The following PCDH15 variants were observed in gnomAD, a reference collection of about 807,000 sequenced individuals.
PCDH15 encodes protocadherin-15.
Under a neutral mutation model 178.5 loss-of-function variants are expected in PCDH15, and 129 were observed. The ratio of observed to expected loss-of-function variants is 0.72; its 90% confidence interval spans 0.63 to 0.84. The LOEUF (loss-of-function observed/expected upper bound fraction) is 0.84. Ranked by LOEUF, PCDH15 falls within the 40% of genes least tolerant of loss-of-function variation. The pLI, the probability that PCDH15 is intolerant of heterozygous loss-of-function variation, is 0.00. For missense variants in PCDH15, 2,230 were observed against 2,099.9 expected, an observed-to-expected ratio of 1.06 and a Z score of -1.21; for synonymous variants, 800 against 732.0, an observed-to-expected ratio of 1.09 and a Z score of -1.50.
intron 1 of PCDH15, among the ~76,000 whole-genome samples, chr10:55,305,254 T>C (rs1323422119): frequency 6.6e-6 from 1 of 152,188 alleles, no homozygotes; most frequent in Non-Finnish European, 1.5e-5. Flanking sequence ...GACCCACCAG[T>C]TGAATTGGAT....
intron 1 of PCDH15, among the ~76,000 whole-genome samples, chr10:54,783,518 AAT>A (rs1950566014): frequency 6.6e-6 from 1 of 152,110 alleles, no homozygotes; most frequent in South Asian, 2.1e-4. Context: ...TCAGCAAATA[AAT>A]ATTTGCATTA....
chr10:55,041,357 T>C (rs1248035873), intron 2 of PCDH15, among the ~76,000 whole-genome samples: 1 of 152,146 alleles, frequency 6.6e-6, no homozygotes, highest in African/African-American at 2.4e-5. Context: ...AATTTCCATC[T>C]AGTTTTGGAG....
At chr10:54,802,734 G>C (rs188914865), upstream of PCDH15, among the ~76,000 whole-genome samples, 1 of 152,290 alleles carries the variant, frequency 6.6e-6, no homozygotes, top group East Asian at 1.9e-4. Context: ...GAATAGAGCA[G>C]CTGGTATTTT....
chr10:54,372,156 G>A (rs192061816), intron 4 of PCDH15, among the ~76,000 whole-genome samples: 306 of 151,998 alleles, frequency 2.0e-3, no homozygotes, highest in Non-Finnish European at 2.8e-3. Flanking sequence ...AGACAATGAG[G>A]TGAATTATGC....
chr10:55,621,675 C>A (rs1837392738), intron 2 of PCDH15, among the ~76,000 whole-genome samples: 1 of 152,040 alleles, frequency 6.6e-6, no homozygotes, highest in Non-Finnish European at 1.5e-5. Context: ...TTTCACATAA[C>A]CCCCATCCCC....
At chr10:53,958,577 C>T (rs1009807708) in intron 23 of PCDH15, among the ~76,000 whole-genome samples, 1 of 152,054 alleles carries the variant, frequency 6.6e-6, no homozygotes, top group African/African-American at 2.4e-5. Flanking sequence ...CAGATAAGGA[C>T]ATGGCAAAAA....
chr10:55,089,092 C>A (rs1733742), intron 2 of PCDH15, among the ~76,000 whole-genome samples: 69,189 of 151,946 alleles, frequency 0.46, 19,658 homozygotes, highest in African/African-American at 0.8. Context: ...GCTTTGAATA[C>A]GATTATGTGA....
chr10:55,347,099 C>T (rs7082912), intron 2 of PCDH15, among the ~76,000 whole-genome samples: 82,356 of 151,724 alleles, frequency 0.54, 22,824 homozygotes, highest in African/African-American at 0.63. Context: ...CCTGTAGTCC[C>T]AGCTACTTGG....
At chr10:54,143,394 T>G (rs2133204092) in intron 14 of PCDH15, among the ~76,000 whole-genome samples, 1 of 152,282 alleles carries the variant, frequency 6.6e-6, no homozygotes, top group South Asian at 2.1e-4. Flanking sequence ...ACAATTATTG[T>G]TTTGCTTTGA....
intron 1 of PCDH15, among the ~76,000 whole-genome samples, chr10:55,298,876 C>A (rs148970545): frequency 6.6e-6 from 1 of 152,054 alleles, no homozygotes; most frequent in Non-Finnish European, 1.5e-5. Context: ...CCGTGCCCGG[C>A]GATAGTGTCG....
chr10:54,059,624 C>A (rs78962955), intron 18 of PCDH15, among the ~76,000 whole-genome samples: 2,410 of 152,280 alleles, frequency 0.016, 62 homozygotes, highest in African/African-American at 0.054. Flanking sequence ...CTGATTCAAT[C>A]TCTGTGGTAT....
intron 18 of PCDH15, among the ~76,000 whole-genome samples, chr10:54,037,425 C>T (rs1033538661): frequency 2.6e-5 from 4 of 151,796 alleles, no homozygotes; most frequent in Admixed American, 6.6e-5. Context: ...GAGCAGCCAC[C>T]GACAGTGAGA....
intron 7 of PCDH15, among the ~76,000 whole-genome samples, chr10:54,329,359 G>C (rs569153379): frequency 6.6e-6 from 1 of 151,802 alleles, no homozygotes; most frequent in Non-Finnish European, 1.5e-5. Flanking sequence ...GTCTAAAAAG[G>C]TTGGATAATG....
At chr10:54,528,361 T>C (rs528218603) in intron 2 of PCDH15, 18 of 1,556,674 alleles carry the variant, frequency 1.2e-5, no homozygotes, top group African/African-American at 4.1e-5. Flanking sequence ...ATGAGGTTGT[T>C]TGGGGTTTTT....
chr10:54,535,024 T>A (rs1391285424), intron 2 of PCDH15, among the ~76,000 whole-genome samples: 1 of 152,200 alleles, frequency 6.6e-6, no homozygotes, highest in Non-Finnish European at 1.5e-5. Flanking sequence ...TGAGTAAATT[T>A]AAGGACAGAG....
intron 1 of PCDH15, among the ~76,000 whole-genome samples, chr10:54,761,411 G>A (rs1947857225): frequency 6.6e-6 from 1 of 152,132 alleles, no homozygotes; most frequent in African/African-American, 2.4e-5. Context: ...GCTGGGCGCA[G>A]TGGTTCATGC....
intron 3 of PCDH15, among the ~76,000 whole-genome samples, chr10:54,463,456 A>G (rs1254156774): frequency 6.6e-6 from 1 of 152,170 alleles, no homozygotes; most frequent in Non-Finnish European, 1.5e-5. Context: ...CTGGTGAGAG[A>G]GCCAGGAGTT....
intron 20 of PCDH15, among the ~76,000 whole-genome samples, chr10:54,001,449 G>C (rs1589847763): frequency 6.6e-6 from 1 of 151,568 alleles, no homozygotes; most frequent in East Asian, 2.0e-4. Flanking sequence ...GAAGTATAGA[G>C]TTTTTATTAG....
At chr10:54,835,259 A>C (rs943487065) in intron 3 of PCDH15, among the ~76,000 whole-genome samples, 3 of 152,174 alleles carry the variant, frequency 2.0e-5, no homozygotes, top group Non-Finnish European at 4.4e-5. Flanking sequence ...TTCTAGAATT[A>C]ATATTAATAT....
Sources: gnomAD v4.1 joint callset for allele counts (sites outside exome capture counted in the v4.1 genomes callset) on GRCh38, gnomAD v4.1.1 for gene constraint, MANE v1.5 for transcripts, NCBI Gene and HGNC (gene_info 2026-07-23, HGNC 2026-07-21) for gene names.